The following ABITRAM variants were observed in gnomAD, a reference collection of about 807,000 sequenced individuals.
ABITRAM encodes the protein actin binding transcription modulator.
Under a neutral mutation model 22.9 loss-of-function variants are expected in ABITRAM, and 19 were observed. The observed-to-expected ratio is 0.83, with a 90% CI of 0.58 to 1.22. ABITRAM has a LOEUF of 1.22. ABITRAM is among the 50% of genes most tolerant of loss of function. The probability of loss-of-function intolerance (pLI) is 0.00; values close to 1 mark genes in which losing one functional copy is unlikely to be tolerated. For synonymous variants in ABITRAM, 70 were observed against 73.9 expected (o/e 0.95, Z 0.27); for missense variants, 215 against 220.2 (o/e 0.98, Z 0.15).
chr9:108,947,107 ATTTC>A (rs1372905589), intron 3 of ABITRAM, among the ~76,000 whole-genome samples: 24 of 145,956 alleles, frequency 1.6e-4, no homozygotes, highest in African/African-American at 5.2e-4. Flanking sequence ...AGTGATAGAA[ATTTC>A]TTTCTTTTTT....
At chr9:108,935,128 T>C (rs1241801534) in intron 1 of ABITRAM, among the ~76,000 whole-genome samples, 1 of 152,200 alleles carries the variant, frequency 6.6e-6, no homozygotes, top group Non-Finnish European at 1.5e-5. Flanking sequence ...TTGGGGACTC[T>C]CCTTTCTTCC....
rs1440920312 is a variant in ABITRAM at position 108,940,916 on chromosome 9, A to C, written c.*1230A>C. On this transcript the variant is annotated 3_prime_UTR_variant, in exon 6 of 6. Transcript: ENST00000322940. The stretch of plus-strand genomic sequence containing the variant: ...TGTAAGGGCTATAACATACATGTCA[A>C]TATCACTGTTTTTAAATAAAATATA... 6.6e-6 allele frequency: 1 copy of C among 152,198 alleles called. No homozygotes were observed. Among genetic ancestry groups the C allele is most frequent in the Non-Finnish European group, 1.5e-5 (1 of 68,020 alleles). 9.4% of individuals were successfully genotyped at this position (152,198 alleles called of 1,614,324 possible).
downstream of ABITRAM, chr9:108,942,700 G>A: frequency 9.8e-7 from 1 of 1,024,136 alleles, no homozygotes; most frequent in Non-Finnish European, 1.5e-6. Context: ...AAAAGATAAA[G>A]GATCATTTGA....
rs554132031 is a variant in ABITRAM, at chr9:108,939,336, ATTTT to A, written c.339-44_339-41del. On this transcript the variant is annotated intron_variant, in intron 4 of 5. Coordinates refer to ENST00000322940, the MANE Select transcript of ABITRAM (RefSeq NM_017832.4). Reference sequence around the variant, plus strand: ...GAGGTAATTTTTTTTCTTAGAAACAATTTTTTTTAACTAAGTAAACATGCTGAAA... The same window carrying A: ...GAGGTAATTTTTTTTCTTAGAAACAATTTTAACTAAGTAAACATGCTGAAA... The A allele has an allele frequency of 3.8e-6, 6 of 1,587,582 alleles. No individual in the cohort carries two copies. The South Asian group carries it at 7.0e-5, about 18-fold the overall frequency.
chr9:108,937,114 C>T (rs574775608), intron 3 of ABITRAM, among the ~76,000 whole-genome samples: 5 of 152,096 alleles, frequency 3.3e-5, no homozygotes, highest in African/African-American at 9.7e-5. Flanking sequence ...GAGCTGAGAT[C>T]GCACCACTGC....
At chr9:108,948,364 G>T in intron 3 of ABITRAM, 1 of 714,162 alleles carries the variant, frequency 1.4e-6, no homozygotes, top group Non-Finnish European at 2.2e-6. Flanking sequence ...TGAATAGACT[G>T]ATAATATTGT....
At chr9:108,939,319 T>G in intron 4 of ABITRAM, 47 bp downstream of exon 4, 1 of 1,592,612 alleles carries the variant, frequency 6.3e-7, no homozygotes. Flanking sequence ...GGGAGGTAAT[T>G]TTTTTTCTTA....
At chr9:108,943,914 G>T, downstream of ABITRAM, 3 of 1,602,488 alleles carry the variant, frequency 1.9e-6, no homozygotes, top group Non-Finnish European at 2.6e-6. Flanking sequence ...CCCAAAGTAG[G>T]TTATACATAA....
downstream of ABITRAM, among the ~76,000 whole-genome samples, chr9:108,945,463 C>CTT (rs578073650): frequency 2.4e-4 from 32 of 135,482 alleles, no homozygotes; most frequent in African/African-American, 5.1e-4. Context: ...GGTTTTCTTC[C>CTT]TTTTTTTTTT....
rs1216543112 is a variant in ABITRAM at position 108,939,541 on chromosome 9, C to T, written c.409-8C>T. 1 of 1,612,854 alleles carries T rather than the reference C, an allele frequency of 6.2e-7. No homozygotes were observed. The highest frequency in any genetic ancestry group is 2.2e-5 in the East Asian group (1 of 44,854). ...GTTTGACAGTACTAAATGTTCTTTC[C>T]TTTCCAGCCATCTACTGAAGGCTAC... On this transcript the variant is annotated splice_polypyrimidine_tract_variant and splice_region_variant and intron_variant, in intron 5 of 5. Coordinates refer to ENST00000322940, the MANE Select transcript of ABITRAM (RefSeq NM_017832.4).
chr9:108,947,867 C>T lies in ABITRAM; in HGVS notation c.262-2640C>T, dbSNP rs372517261. Among the ~76,000 whole-genome samples, 21 of 152,300 alleles carry T rather than the reference C, an allele frequency of 1.4e-4. No homozygotes were observed. The South Asian group carries it at 3.7e-3, about 27-fold the overall frequency. On this transcript the variant is annotated intron_variant, in intron 3 of 3. Coordinates refer to the ABITRAM transcript ENST00000374624. ...AGAGGCCAAAAATCTTTCTAGAACTCTGGATTTGCATCTGCTTACAGGATA... is the reference window on the plus strand; with the variant it reads ...AGAGGCCAAAAATCTTTCTAGAACTTTGGATTTGCATCTGCTTACAGGATA...
chr9:108,935,967 T>A (rs1384838318), intron 2 of ABITRAM: 2 of 522,288 alleles, frequency 3.8e-6, no homozygotes, highest in Non-Finnish European at 6.8e-6. Flanking sequence ...TGTGCCCAAC[T>A]ACTGAACTGT....
At chr9:108,950,411 G>A (rs1270279566) in intron 3 of ABITRAM, 41 of 1,306,566 alleles carry the variant, frequency 3.1e-5, no homozygotes, top group African/African-American at 5.9e-5. Flanking sequence ...CAAAGGAATG[G>A]TCTCCAATGA....
chr9:108,947,447 T>C (rs151165598), intron 3 of ABITRAM, among the ~76,000 whole-genome samples: 74 of 152,198 alleles, frequency 4.9e-4, no homozygotes, highest in African/African-American at 1.7e-3. Flanking sequence ...CAGATGTACA[T>C]GGGAATGCCA....
intron 3 of ABITRAM, among the ~76,000 whole-genome samples, chr9:108,949,816 C>T (rs1830505531): frequency 6.6e-6 from 1 of 151,994 alleles, no homozygotes; most frequent in Non-Finnish European, 1.5e-5. Context: ...TGCACTCCAG[C>T]CTGGGTGACA....
intron 2 of ABITRAM, chr9:108,936,062 C>T (rs550064576): frequency 1.9e-6 from 1 of 520,016 alleles, no homozygotes; most frequent in East Asian, 3.2e-5. Flanking sequence ...TCTTCTACCC[C>T]AGTGCTACCT....
chr9:108,935,676 C>T lies in ABITRAM; in HGVS notation c.118C>T (p.Gln40Ter), dbSNP rs1044041606. 3.7e-6 allele frequency: 6 copies of T among 1,613,216 alleles called. No individual in the cohort carries two copies. ...ATTTTGTGAGGACCACTGTATACTACAGCACTCTAACCGGTAAGCAAATTG... is the reference window on the plus strand; with the variant it reads ...ATTTTGTGAGGACCACTGTATACTATAGCACTCTAACCGGTAAGCAAATTG... ...GKFCEDHCILQHSNRICVITL... is the reference protein window; with the variant it reads ...GKFCEDHCIL The change falls in exon 2 of 6, where the codon CAG (glutamine) becomes TAG (stop). Residue 40 changes from glutamine (Q) to a stop codon, truncating the protein, a stop_gained. Transcript: ENST00000322940. LOFTEE classifies it high-confidence loss of function.
At position 108,934,433 on chromosome 9, in the gene ABITRAM, G is replaced by T; in HGVS notation, c.-54G>T. 5.3e-6 allele frequency: 8 copies of T among 1,503,730 alleles called. No individual in the cohort carries two copies. The highest frequency in any genetic ancestry group is 7.2e-6 in the Non-Finnish European group (8 of 1,112,886). 93.1% of individuals were successfully genotyped at this position (1,503,730 alleles called of 1,614,324 possible). On this transcript the variant is annotated 5_prime_UTR_variant, in exon 1 of 6. Coordinates refer to ENST00000322940, the MANE Select transcript of ABITRAM (RefSeq NM_017832.4). ...GAAGAGCACGCCCAGTCCGGGCTGC[G>T]CGGAGGAAGCGCTGGGGTCCCGGAG...
downstream of ABITRAM, chr9:108,942,970 C>T: frequency 6.2e-7 from 1 of 1,612,258 alleles, no homozygotes; most frequent in Non-Finnish European, 8.5e-7. Flanking sequence ...CCTTCTTCAG[C>T]AGTTTATAAC....
Sources: allele counts gnomAD v4.1 joint callset (sites outside exome capture counted in the v4.1 genomes callset), GRCh38; gene constraint gnomAD v4.1.1; transcripts MANE v1.5; gene names NCBI Gene and HGNC (gene_info 2026-07-23, HGNC 2026-07-21).